The following SDK1 variants were observed in gnomAD, a reference collection of about 807,000 sequenced individuals.
SDK1 encodes the protein sidekick cell adhesion molecule 1, also known as protein sidekick-1.
SDK1 carries 157 observed loss-of-function variants against 245.5 expected under a neutral mutation model. The observed-to-expected ratio is 0.64, with a 90% CI of 0.56 to 0.73. The LOEUF (loss-of-function observed/expected upper bound fraction) is 0.73. SDK1 is among the 30% of genes least tolerant of loss of function. The pLI is 0.00. For missense variants in SDK1, 3,583 were observed against 3,002.3 expected (o/e 1.19, Z -4.52); for synonymous variants, 1,647 against 1,278.5 (o/e 1.29, Z -6.15).
At chr7:3,635,358 TG>T (rs1782425232) in intron 2 of SDK1, among the ~76,000 whole-genome samples, 1 of 152,234 alleles carries the variant, frequency 6.6e-6, no homozygotes, top group Admixed American at 6.5e-5. Context: ...GATTAATTTT[TG>T]TTTAATCTTG....
At chr7:3,867,918 A>G (rs1361839365) in intron 5 of SDK1, among the ~76,000 whole-genome samples, 1 of 152,148 alleles carries the variant, frequency 6.6e-6, no homozygotes, top group Non-Finnish European at 1.5e-5. Flanking sequence ...AGAAATAAAT[A>G]TCATTTCTGG....
At chr7:3,746,387 A>G (rs1779621979) in intron 4 of SDK1, among the ~76,000 whole-genome samples, 2 of 152,132 alleles carry the variant, frequency 1.3e-5, no homozygotes, top group Admixed American at 1.3e-4. Context: ...GACTGTGGCA[A>G]CTTCTTAAAA....
intron 1 of SDK1, among the ~76,000 whole-genome samples, chr7:3,366,011 C>T (rs1353810621): frequency 1.3e-5 from 2 of 148,630 alleles, no homozygotes; most frequent in East Asian, 2.0e-4. Context: ...TGCACTCCAG[C>T]TTGGGCGACA....
At chr7:3,687,849 C>T (rs968565457) in intron 4 of SDK1, among the ~76,000 whole-genome samples, 15 of 152,138 alleles carry the variant, frequency 9.9e-5, no homozygotes, top group African/African-American at 2.4e-4. Flanking sequence ...TCTATACTTC[C>T]GTAAGCTGTC....
At chr7:3,862,985 C>T (rs569177639) in intron 5 of SDK1, among the ~76,000 whole-genome samples, 27 of 152,246 alleles carry the variant, frequency 1.8e-4, no homozygotes, top group East Asian at 1.4e-3. Context: ...GGAGCTCAGG[C>T]GGTAATGCTC....
intron 2 of SDK1, among the ~76,000 whole-genome samples, chr7:3,634,507 A>G (rs1010581805): frequency 3.3e-5 from 5 of 152,238 alleles, no homozygotes; most frequent in African/African-American, 1.2e-4. Flanking sequence ...CTGCCTTGAT[A>G]GAGTGAATGC....
chr7:3,673,374 C>T (rs947492439), intron 4 of SDK1, among the ~76,000 whole-genome samples: 2 of 152,162 alleles, frequency 1.3e-5, no homozygotes, highest in Non-Finnish European at 2.9e-5. Flanking sequence ...CATTCATTTC[C>T]TGAAAGAGTC....
chr7:3,860,036 C>T (rs765535903), intron 5 of SDK1, among the ~76,000 whole-genome samples: 3 of 151,974 alleles, frequency 2.0e-5, no homozygotes, highest in Non-Finnish European at 4.4e-5. Flanking sequence ...TCTCCTGCCT[C>T]AGCCTCCCGA....
intron 35 of SDK1, among the ~76,000 whole-genome samples, chr7:4,196,811 G>A (rs575160678): frequency 1.3e-5 from 2 of 152,304 alleles, no homozygotes; most frequent in East Asian, 1.9e-4. Context: ...TGCTTCTCAC[G>A]GTACCTAGTG....
intron 1 of SDK1, among the ~76,000 whole-genome samples, chr7:3,505,617 C>T (rs1185279980): frequency 6.6e-6 from 1 of 152,106 alleles, no homozygotes; most frequent in African/African-American, 2.4e-5. Flanking sequence ...ATAGTTGGCC[C>T]TTGAAAACAT....
At chr7:3,392,667 A>G (rs1194376727) in intron 1 of SDK1, among the ~76,000 whole-genome samples, 7 of 151,968 alleles carry the variant, frequency 4.6e-5, no homozygotes, top group African/African-American at 1.7e-4. Flanking sequence ...GTCTTTATGA[A>G]TTTGTCTACT....
intron 5 of SDK1, among the ~76,000 whole-genome samples, chr7:3,941,667 C>G (rs1034007335): frequency 2.6e-5 from 4 of 152,226 alleles, no homozygotes; most frequent in African/African-American, 9.6e-5. Context: ...CCTGCCATCT[C>G]CCTTCTCTTT....
intron 4 of SDK1, among the ~76,000 whole-genome samples, chr7:3,730,075 A>T (rs1336484725): frequency 6.6e-6 from 1 of 152,078 alleles, no homozygotes; most frequent in Non-Finnish European, 1.5e-5. Flanking sequence ...CATGGATTTG[A>T]TGGCCCCTAG....
At chr7:4,030,229 A>G (rs1787692051) in intron 17 of SDK1, among the ~76,000 whole-genome samples, 1 of 152,234 alleles carries the variant, frequency 6.6e-6, no homozygotes, top group African/African-American at 2.4e-5. Context: ...GAACCAAGGC[A>G]TGTGTTCCTC....
At chr7:3,498,806 T>C (rs1782104398) in intron 1 of SDK1, among the ~76,000 whole-genome samples, 1 of 152,026 alleles carries the variant, frequency 6.6e-6, no homozygotes, top group Admixed American at 6.6e-5. Flanking sequence ...TGTTCTTGTA[T>C]GCTGATGAGT....
intron 7 of SDK1, among the ~76,000 whole-genome samples, chr7:3,953,881 T>C (rs1781026599): frequency 1.3e-5 from 2 of 152,196 alleles, no homozygotes; most frequent in South Asian, 4.1e-4. Flanking sequence ...ATTTTTGTGG[T>C]TGGCGCACAC....
rs941446778 is a variant in SDK1, at chr7:3,676,005, A to T, written c.713+33900A>T. Among the ~76,000 whole-genome samples, 4 of 152,120 alleles carry T rather than the reference A, an allele frequency of 2.6e-5. No individual in the cohort carries two copies. The South Asian group carries it at 8.3e-4, about 32-fold the overall frequency. ...ATTCTGTAGGTTGTCTGTTTGCTCT[A>T]TTGAGTTTCTTTTTTTGTGGCACTA... On this transcript the variant is annotated intron_variant, in intron 4 of 44. Coordinates refer to ENST00000404826, the MANE Select transcript of SDK1 (RefSeq NM_152744.4).
At chr7:4,001,727 TCTGTG>T (rs1230162513) in intron 14 of SDK1, among the ~76,000 whole-genome samples, 1 of 152,236 alleles carries the variant, frequency 6.6e-6, no homozygotes, top group Non-Finnish European at 1.5e-5. Flanking sequence ...TACTGTCCAC[TCTGTG>T]GTGTTTTGTT....
At chr7:4,248,949 TACATACCTAAATACAC>T (rs1397060342) in intron 44 of SDK1, among the ~76,000 whole-genome samples, 1 of 147,700 alleles carries the variant, frequency 6.8e-6, no homozygotes, top group South Asian at 2.1e-4. Context: ...GCACAACACA[TACATACCTAAATACAC>T]ACATACACAT....
Sources: allele counts gnomAD v4.1 joint callset (sites outside exome capture counted in the v4.1 genomes callset), GRCh38; gene constraint gnomAD v4.1.1; transcripts MANE v1.5; gene names NCBI Gene and HGNC (gene_info 2026-07-23, HGNC 2026-07-21).